Variants in DICER1 observed in about 807,000 individuals in gnomAD.
DICER1 encodes endoribonuclease Dicer.
In DICER1, 43 loss-of-function variants were observed where a neutral mutation model predicts 194.1. The ratio of observed to expected loss-of-function variants is 0.22; its 90% CI spans 0.17 to 0.29. DICER1 has a LOEUF of 0.29. DICER1 is among the 10% of genes least tolerant of loss of function. The pLI is 1.00. For synonymous variants in DICER1, 832 were observed against 820.5 expected (o/e 1.01, Z -0.24); for missense variants, 1,608 against 2,317.0 (o/e 0.69, Z 6.28).
intron 21 of DICER1, among the ~76,000 whole-genome samples, chr14:95,101,819 G>A (rs868611922): frequency 2.0e-5 from 3 of 152,174 alleles, no homozygotes; most frequent in Non-Finnish European, 4.4e-5. Flanking sequence ...CTCTTTCCCA[G>A]AGGCTTAGAG....
Position 95,130,044 on chromosome 14 carries a change from G to C in DICER1, c.573+14C>G. ...GTTTACCAAGAATTACTAAGACTTAGGTCTAAAACTTACCTTCATAATTTC... is the reference window on the plus strand; with the variant it reads ...GTTTACCAAGAATTACTAAGACTTACGTCTAAAACTTACCTTCATAATTTC... On this transcript the variant is annotated intron_variant, in intron 5 of 26. Transcript: ENST00000343455. 6.2e-7 allele frequency: 1 copy of C among 1,611,708 alleles called. No homozygotes were observed. The highest frequency in any genetic ancestry group is 8.5e-7 in the Non-Finnish European group (1 of 1,178,586).
intron 1 of DICER1, among the ~76,000 whole-genome samples, chr14:95,156,070 G>A (rs956028991): frequency 2.0e-5 from 3 of 152,176 alleles, no homozygotes; most frequent in African/African-American, 7.2e-5. Flanking sequence ...GTTTTTTGGT[G>A]AGGATGTATA....
At chr14:95,143,137 A>G (rs1040138122) in intron 1 of DICER1, among the ~76,000 whole-genome samples, 7 of 152,158 alleles carry the variant, frequency 4.6e-5, no homozygotes, top group African/African-American at 1.7e-4. Flanking sequence ...TATAAGCAAT[A>G]CTCATGGTAA....
rs1889412545 is a variant in DICER1 at position 95,087,315 on chromosome 14, T to C, written c.*3183A>G. On this transcript the variant is annotated 3_prime_UTR_variant, in exon 27 of 27. Transcript: ENST00000343455. ...GTGTTAGAGGTCATTCTAAATTTCA[T>C]CACTTCACGTAATATAAAAGAAAAA... is the stretch of plus-strand genomic sequence containing the variant. 4.3e-6 allele frequency: 1 copy of C among 233,212 alleles called. No individual in the cohort carries two copies. The highest frequency in any genetic ancestry group is 8.5e-6 in the Non-Finnish European group (1 of 117,892). 14.4% of individuals were successfully genotyped at this position (233,212 alleles called of 1,614,324 possible).
intron 21 of DICER1, among the ~76,000 whole-genome samples, chr14:95,101,056 T>C (rs777720066): frequency 1.3e-5 from 2 of 152,160 alleles, no homozygotes; most frequent in Non-Finnish European, 2.9e-5. Flanking sequence ...ACATTCCAAG[T>C]TGACAGAAAT....
Position 95,105,448 on chromosome 14 carries a change from G to A in DICER1, c.3094-202C>T, listed in dbSNP as rs1891330549. On this transcript the variant is annotated intron_variant, in intron 19 of 26. Coordinates refer to ENST00000343455, the MANE Select transcript of DICER1 (RefSeq NM_177438.3). This position sits in a 1 kb window ranked among gnomAD's most constrained non-coding sequence, Gnocchi z 4.9. ...GAGAATGATTTTGTGATATATTAAT[G>A]GGCCAAGTATAAAAACAAAACTCTC... Among the ~76,000 whole-genome samples the A allele has an allele frequency of 1.3e-5, 2 of 152,046 alleles. No homozygotes were observed. The highest frequency in any genetic ancestry group is 2.4e-5 in the African/African-American group (1 of 41,394).
intron 1 of DICER1, among the ~76,000 whole-genome samples, chr14:95,148,020 G>T (rs945466657): frequency 6.6e-6 from 1 of 152,244 alleles, no homozygotes; most frequent in Non-Finnish European, 1.5e-5. Flanking sequence ...TCAACACAGC[G>T]AGAGTCCATC....
intron 23 of DICER1, 57 bp downstream of exon 23, chr14:95,095,768 G>T: frequency 6.3e-7 from 1 of 1,581,890 alleles, no homozygotes. Context: ...CCAACACGAT[G>T]AGATCAACAC....
At position 95,124,579 on chromosome 14, in the gene DICER1, T is replaced by G; in HGVS notation, c.993A>C (p.Lys331Asn). 1 of 1,613,862 alleles carries G rather than the reference T, an allele frequency of 6.2e-7. No individual in the cohort carries two copies. The highest frequency in any genetic ancestry group is 8.5e-7 in the Non-Finnish European group (1 of 1,180,032). The change falls in exon 8 of 27, where the codon AAA becomes AAC. Residue 331 changes from lysine (K) to asparagine (N), a missense_variant. This residue lies in a region of DICER1 where 657 missense variants were observed against 910.1 expected (regional missense o/e 0.72). Transcript: ENST00000343455. The surrounding 1 kb of genome is among the most constrained non-coding windows in gnomAD (Gnocchi z 4.5). ...GCTCCTCTTGCTCATGTTTGATGTA[T>G]TTCTGTAGTTCTCTTACCATCATTC... ...VAGMMVRELQ[K>N]YIKHEQEELH...
intron 1 of DICER1, chr14:95,140,612 A>G (rs1894770365): frequency 4.6e-5 from 7 of 152,236 alleles, no homozygotes; most frequent in Admixed American, 4.6e-4. Context: ...CAAGAAAGAC[A>G]AGAATAAACT....
At chr14:95,106,253 T>C (rs772729297) in intron 17 of DICER1, 30 bp from the exon 18 acceptor site, 1 of 1,556,054 alleles carries the variant, frequency 6.4e-7, no homozygotes. Context: ...AAACAATCAG[T>C]TGCTTTTTGA....
In DICER1 at chr14:95,106,517, A is replaced by G. The variant is rs537288357; in HGVS notation, c.2805-294T>C. Among the ~76,000 whole-genome samples the G allele has an allele frequency of 1.2e-4, 18 of 152,290 alleles. No homozygotes were observed. In the South Asian group the frequency reaches 2.3e-3, roughly 19 times the overall value. On this transcript the variant is annotated intron_variant, in intron 17 of 26. Coordinates refer to ENST00000343455, the MANE Select transcript of DICER1 (RefSeq NM_177438.3). ...TTACATATCTATTTCATCTATATAA[A>G]TAGTATAAAAAATTTACACTATCCA... is the stretch of plus-strand genomic sequence containing the variant.
rs1290581614 is a variant in DICER1, at chr14:95,111,199, A to G, written c.2256+118T>C. The G allele has an allele frequency of 7.0e-6, 8 of 1,141,672 alleles. No homozygotes were observed. In the East Asian group the frequency reaches 1.4e-4, roughly 20 times the overall value. The allele number at this position is 1,141,672 out of a possible 1,614,324, so 70.7% of individuals were successfully genotyped here. On this transcript the variant is annotated intron_variant, in intron 14 of 26. Coordinates refer to ENST00000343455, the MANE Select transcript of DICER1 (RefSeq NM_177438.3). ...GAATCGGAGAAAGGAGCTGAGATCC[A>G]GAGTGGGCCAAACTGTAAGGGTGTG... is the stretch of plus-strand genomic sequence containing the variant.
At chr14:95,133,016 A>T (rs749388311) in intron 2 of DICER1, among the ~76,000 whole-genome samples, 1 of 152,188 alleles carries the variant, frequency 6.6e-6, no homozygotes, top group Non-Finnish European at 1.5e-5. Context: ...ACATTTTCAA[A>T]CTAATCTAGG....
intron 8 of DICER1, among the ~76,000 whole-genome samples, chr14:95,118,048 G>T (rs1349329420): frequency 6.6e-6 from 1 of 152,188 alleles, no homozygotes; most frequent in Non-Finnish European, 1.5e-5. Flanking sequence ...ATAGAAATGT[G>T]GCCCAGGATG....
intron 15 of DICER1, 42 bp from the exon 16 acceptor site, chr14:95,108,135 G>T: frequency 6.8e-7 from 1 of 1,480,014 alleles, no homozygotes; most frequent in Non-Finnish European, 9.4e-7. Flanking sequence ...AAATTAACAG[G>T]TATTTTATTC....
intron 11 of DICER1, among the ~76,000 whole-genome samples, chr14:95,113,655 A>G (rs10131275): frequency 0.43 from 65,064 of 152,152 alleles, 15,976 homozygotes; most frequent in African/African-American, 0.69. Flanking sequence ...CAGCACACAT[A>G]TAAGGAAGGC....
intron 6 of DICER1, among the ~76,000 whole-genome samples, chr14:95,126,958 A>T (rs376655914): frequency 2.0e-4 from 30 of 152,288 alleles, no homozygotes; most frequent in East Asian, 1.5e-3. Context: ...TGTATTTTAT[A>T]AACCAGTAAA....
At position 95,117,637 on chromosome 14, in the gene DICER1, G is replaced by A. The variant is rs2140137405; in HGVS notation, c.1494C>T (p.Phe498=). Residue 498 remains phenylalanine (F), a synonymous_variant, in exon 9 of 27, where the codon TTC becomes TTT. Transcript: ENST00000343455. ...TTTAAGTTACCTCTTCCTGTTTTCTGAATTCTGCTTCCATCTGTTTGTTGC... is the reference window on the plus strand; with the variant it reads ...TTTAAGTTACCTCTTCCTGTTTTCTAAATTCTGCTTCCATCTGTTTGTTGC... ...QPRNKQMEAE[F]RKQEEVLRKF... is the part of the protein sequence containing the mutation. 3 of 1,613,964 alleles carry A rather than the reference G, an allele frequency of 1.9e-6. No individual in the cohort carries two copies. Among genetic ancestry groups the A allele is most frequent in the Non-Finnish European group, 2.5e-6 (3 of 1,179,912 alleles).
Sources: allele counts gnomAD v4.1 joint callset (sites outside exome capture counted in the v4.1 genomes callset), GRCh38; gene constraint gnomAD v4.1.1; regional missense constraint gnomAD v4.1.1; non-coding constraint Gnocchi (gnomAD v3.1); transcripts MANE v1.5; gene names NCBI Gene and HGNC (gene_info 2026-07-23, HGNC 2026-07-21).